ZDBF2: variants seen among roughly 807,000 people sequenced by gnomAD.
ZDBF2 encodes the protein DBF4-type zinc finger-containing protein 2.
ZDBF2 carries 6 observed loss-of-function variants against 9.4 expected under a neutral mutation model. The ratio of observed to expected loss-of-function variants is 0.64; its 90% CI spans 0.35 to 1.27. The LOEUF (loss-of-function observed/expected upper bound fraction) is 1.27, where lower values mean the gene tolerates loss of function less well. ZDBF2 is among the 50% of genes most tolerant of loss of function. The pLI is 0.03. For synonymous variants in ZDBF2, 905 were observed against 946.3 expected (o/e 0.96, Z 0.80); for missense variants, 2,697 against 2,766.8 (o/e 0.97, Z 0.57).
Position 206,297,299 on chromosome 2 carries a change from A to G in ZDBF2, c.114A>G (p.Ile38Met). The G allele has an allele frequency of 6.2e-7, 1 of 1,607,256 alleles. No homozygotes were observed. Among genetic ancestry groups the G allele is most frequent in the Non-Finnish European group, 8.5e-7 (1 of 1,173,782 alleles). ...TGACCAGACAGAGTAGACGTCAAAT[A>G]TGTACCAGTAGTTTGATGGAACGTT... ...RSLTRQSRRQICTSSLMERFL... is the reference protein window; with the variant it reads ...RSLTRQSRRQMCTSSLMERFL... The change falls in exon 4 of 5, where the codon ATA becomes ATG. Residue 38 changes from isoleucine to methionine, a missense_variant. This residue lies in a region of ZDBF2 where 910 missense variants were observed against 973.6 expected (regional missense o/e 0.93). Coordinates refer to ENST00000374423, the MANE Select transcript of ZDBF2 (RefSeq NM_020923.3).
rs550479127 is a variant in ZDBF2, at chr2:206,282,715, G to T, written c.60+806G>T. 1.1e-4 allele frequency among the ~76,000 whole-genome samples: 16 copies of T among 152,278 alleles called. No homozygotes were observed. In the South Asian group the frequency reaches 3.3e-3, roughly 32 times the overall value. On this transcript the variant is annotated intron_variant, in intron 3 of 4. Transcript: ENST00000374423. Reference sequence around the variant, plus strand: ...ATAGAGATTTAAAAATTTTGTTATTGTGATATAACTCATACACCATAAACT... The same window carrying T: ...ATAGAGATTTAAAAATTTTGTTATTTTGATATAACTCATACACCATAAACT...
rs1290575929 is a variant in ZDBF2, at chr2:206,281,736, CA to C, written c.-49-64del. 7.4e-6 allele frequency: 7 copies of C among 942,376 alleles called. No homozygotes were observed. In the African/African-American group the frequency reaches 1.2e-4, roughly 16 times the overall value. The allele number at this position is 942,376 out of a possible 1,614,324, so 58.4% of individuals were successfully genotyped here. ...TGAATTTCTGTTTTCTGCTAATTAT[CA>C]TAGCCATTTTCCTCATAAGAGTAAG... On this transcript the variant is annotated intron_variant, in intron 2 of 4. Transcript: ENST00000374423.
rs1690892079 is a variant in ZDBF2 at position 206,274,894 on chromosome 2, CG to C, written c.-153del. ...GAATAAGAAGGGAGAGCGCCCGGCT[CG>C]GTCCTCGGTCTCCACCGCGGCCCGG... On this transcript the variant is annotated 5_prime_UTR_variant, in exon 1 of 5. Coordinates refer to ENST00000374423, the MANE Select transcript of ZDBF2 (RefSeq NM_020923.3). 6.6e-6 allele frequency: 1 copy of C among 151,690 alleles called. No individual in the cohort carries two copies. Among genetic ancestry groups the C allele is most frequent in the Admixed American group, 6.6e-5 (1 of 15,258 alleles). 9.4% of individuals were successfully genotyped at this position (151,690 alleles called of 1,614,324 possible). A position where few individuals can be genotyped will look rare whatever the true frequency, so the allele number is the denominator to read the frequency against.
At position 206,312,218 on chromosome 2, in the gene ZDBF2, G is replaced by A. The variant is rs1007902441; in HGVS notation, c.*625G>A. The A allele has an allele frequency of 2.6e-5, 4 of 151,746 alleles. No individual in the cohort carries two copies. Among genetic ancestry groups the A allele is most frequent in the Non-Finnish European group, 5.9e-5 (4 of 67,954 alleles). The allele number at this position is 151,746 out of a possible 1,614,324, so 9.4% of individuals were successfully genotyped here. On this transcript the variant is annotated 3_prime_UTR_variant, in exon 5 of 5. Coordinates refer to ENST00000374423, the MANE Select transcript of ZDBF2 (RefSeq NM_020923.3). Reference sequence around the variant, plus strand: ...ACACATACAGTCTCTAGGTTTTTTGGGTTAGCCTTATTAGATCTTAAAGGG... The same window carrying A: ...ACACATACAGTCTCTAGGTTTTTTGAGTTAGCCTTATTAGATCTTAAAGGG...
chr2:206,296,627 T>G (rs1692193436), intron 3 of ZDBF2, among the ~76,000 whole-genome samples: 1 of 152,230 alleles, frequency 6.6e-6, no homozygotes, highest in South Asian at 2.1e-4. Flanking sequence ...AGGGGACTAC[T>G]GTAATTTCTT....
At position 206,308,560 on chromosome 2, in the gene ZDBF2, A is replaced by G. The variant is rs750161958; in HGVS notation, c.4032A>G (p.Pro1344=). 1 of 1,613,500 alleles carries G rather than the reference A, an allele frequency of 6.2e-7. No individual in the cohort carries two copies. Among genetic ancestry groups the G allele is most frequent in the Non-Finnish European group, 8.5e-7 (1 of 1,179,824 alleles). ...CTCTTCAGTCAGTGATAAAACAACC[A>G]CACATTTTGGAAGAGGAGCATGCCA... ...NIPLQSVIKQ[P]HILEEEHASL... is the part of the protein sequence containing the mutation. The change falls in exon 5 of 5, where the codon CCA becomes CCG. Residue 1344 remains proline (P), a synonymous_variant. Coordinates refer to ENST00000374423, the MANE Select transcript of ZDBF2 (RefSeq NM_020923.3).
intron 3 of ZDBF2, among the ~76,000 whole-genome samples, chr2:206,293,795 G>A (rs1362343331): frequency 6.6e-6 from 1 of 152,182 alleles, no homozygotes; most frequent in Non-Finnish European, 1.5e-5. Context: ...TGCTGGTAGG[G>A]AATATAAATT....
chr2:206,281,765 A>G, intron 2 of ZDBF2, 36 bp from the exon 3 acceptor site: 1 of 1,291,594 alleles, frequency 7.7e-7, no homozygotes. Flanking sequence ...AGAGTAAGGA[A>G]TTATGATTTT....
Position 206,314,293 on chromosome 2 carries a change from G to A in ZDBF2, c.*2700G>A, listed in dbSNP as rs1693304858. On this transcript the variant is annotated 3_prime_UTR_variant, in exon 5 of 5. Transcript: ENST00000374423. ...TTTTTTTTTTTTTGGTTAAAGAAAA[G>A]CTATATTTAAATATTCAAATAATTA... 1.5e-5 allele frequency: 2 copies of A among 130,344 alleles called. No homozygotes were observed. The highest frequency in any genetic ancestry group is 3.3e-5 in the Non-Finnish European group (2 of 61,376). 8.1% of individuals were successfully genotyped at this position (130,344 alleles called of 1,614,324 possible). A position where few individuals can be genotyped will look rare whatever the true frequency, so the allele number is the denominator to read the frequency against.
In ZDBF2 at chr2:206,282,018, T is replaced by A; in HGVS notation, c.60+109T>A. ...TTCATTGAACAGATCATATTGGGAA[T>A]CTATTAGTTGGCAGACACTGTTTAA... is the stretch of plus-strand genomic sequence containing the variant. On this transcript the variant is annotated intron_variant, in intron 3 of 4. Transcript: ENST00000374423. The A allele has an allele frequency of 3.9e-6, 4 of 1,026,070 alleles. 1 individual carries two copies. The South Asian group carries it at 7.1e-5, about 18-fold the overall frequency. The allele number at this position is 1,026,070 out of a possible 1,614,324, so 63.6% of individuals were successfully genotyped here.
At chr2:206,291,287 C>T (rs1341100679) in intron 3 of ZDBF2, among the ~76,000 whole-genome samples, 4 of 152,136 alleles carry the variant, frequency 2.6e-5, no homozygotes, top group Non-Finnish European at 2.9e-5. Flanking sequence ...AAAAGGAGCA[C>T]GCAACCTAGA....
chr2:206,294,975 T>C (rs1164822494), intron 3 of ZDBF2, among the ~76,000 whole-genome samples: 1 of 152,222 alleles, frequency 6.6e-6, no homozygotes, highest in Non-Finnish European at 1.5e-5. Context: ...TGATGGGTCC[T>C]GGACAGTGGA....
chr2:206,310,509 C>G lies in ZDBF2; in HGVS notation c.5981C>G (p.Ala1994Gly). The G allele has an allele frequency of 1.9e-6, 3 of 1,613,330 alleles. No individual in the cohort carries two copies. Among genetic ancestry groups the G allele is most frequent in the Non-Finnish European group, 2.5e-6 (3 of 1,179,758 alleles). The change falls in exon 5 of 5, where the codon GCA becomes GGA. Residue 1994 changes from alanine (A) to glycine (G), a missense_variant. By Grantham distance (60) the Ala-to-Gly change is moderately conservative. Transcript: ENST00000374423. ...AAAATTGGGACAGTTGAATTTCCTG[C>G]ATCATGTACTAAAGTTTTGAAGCCT... ...KVKIGTVEFP[A>G]SCTKVLKPMQ... is the part of the protein sequence containing the mutation.
chr2:206,297,028 C>T (rs777283011), intron 3 of ZDBF2, among the ~76,000 whole-genome samples: 1 of 152,008 alleles, frequency 6.6e-6, no homozygotes, highest in Non-Finnish European at 1.5e-5. Context: ...AATCATTTAC[C>T]TTTAAGACTA....
In ZDBF2 at chr2:206,305,975, G is replaced by A. The variant is rs1692767354; in HGVS notation, c.1447G>A (p.Val483Ile). ...TCAGAATGCAAGGCATATTAGCCTGGTTGACCAAAGCTATGAATCTAGTAG... is the reference window on the plus strand; with the variant it reads ...TCAGAATGCAAGGCATATTAGCCTGATTGACCAAAGCTATGAATCTAGTAG... ...SLQNARHISL[V>I]DQSYESSSSE... is the part of the protein sequence containing the mutation. The change falls in exon 5 of 5, where the codon GTT becomes ATT. Residue 483 changes from valine (V) to isoleucine (I), a missense_variant. By Grantham distance (29) the Val-to-Ile change is conservative. Coordinates refer to ENST00000374423, the MANE Select transcript of ZDBF2 (RefSeq NM_020923.3). The A allele has an allele frequency of 6.2e-7, 1 of 1,613,162 alleles. No individual in the cohort carries two copies. The highest frequency in any genetic ancestry group is 8.5e-7 in the Non-Finnish European group (1 of 1,179,554).
rs777695404 is a variant in ZDBF2, at chr2:206,314,263, CTTTTTTTT to C, written c.*2680_*2687del. On this transcript the variant is annotated 3_prime_UTR_variant, in exon 5 of 5. Coordinates refer to ENST00000374423, the MANE Select transcript of ZDBF2 (RefSeq NM_020923.3). ...TATGTAACTAGGGCTGTGAGTAACA[CTTTTTTTT>C]TTTTTTTTTGGTTAAAGAAAAGCTA... is the stretch of plus-strand genomic sequence containing the variant. 7.7e-6 allele frequency: 1 copy of C among 129,790 alleles called. No homozygotes were observed. Among genetic ancestry groups the C allele is most frequent in the African/African-American group, 2.9e-5 (1 of 34,728 alleles). The allele number at this position is 129,790 out of a possible 1,614,324, so 8.0% of individuals were successfully genotyped here.
In ZDBF2 at chr2:206,308,802, C is replaced by A; in HGVS notation, c.4274C>A (p.Ser1425Tyr). The A allele has an allele frequency of 1.2e-6, 2 of 1,613,834 alleles. No individual in the cohort carries two copies. Among genetic ancestry groups the A allele is most frequent in the South Asian group, 2.2e-5 (2 of 91,048 alleles). ...HIPVQFVTDQSSVPVKEINLQ... is the reference protein window; with the variant it reads ...HIPVQFVTDQYSVPVKEINLQ... ...CCTGTTCAGTTTGTGACTGATCAATCTTCTGTACCTGTCAAAGAAATAAAC... is the reference window on the plus strand; with the variant it reads ...CCTGTTCAGTTTGTGACTGATCAATATTCTGTACCTGTCAAAGAAATAAAC... Residue 1425 changes from serine (S) to tyrosine (Y), a missense_variant, in exon 5 of 5, where the codon TCT becomes TAT. Coordinates refer to ENST00000374423, the MANE Select transcript of ZDBF2 (RefSeq NM_020923.3).
At position 206,310,195 on chromosome 2, in the gene ZDBF2, A is replaced by G. The variant is rs1574425049; in HGVS notation, c.5667A>G (p.Pro1889=). 1.2e-6 allele frequency: 2 copies of G among 1,613,900 alleles called. No individual in the cohort carries two copies. The highest frequency in any genetic ancestry group is 1.7e-6 in the Non-Finnish European group (2 of 1,179,900). Residue 1889 remains proline, a synonymous_variant, in exon 5 of 5, where the codon CCA becomes CCG. Transcript: ENST00000374423. ...ADLQGKEDTA[P]TQAVSESDDI... is the part of the protein sequence containing the mutation. Reference sequence around the variant, plus strand: ...TGCAAGGTAAGGAGGACACTGCACCAACTCAAGCTGTGTCAGAGAGTGATG... The same window carrying G: ...TGCAAGGTAAGGAGGACACTGCACCGACTCAAGCTGTGTCAGAGAGTGATG...
rs1692740616 is a variant in ZDBF2, at chr2:206,305,596, G to T, written c.1068G>T (p.Gln356His). Residue 356 changes from glutamine (Q) to histidine (H), a missense_variant, in exon 5 of 5, where the codon CAG (glutamine) becomes CAT (histidine). By Grantham distance (24) the Gln-to-His change is conservative. Coordinates refer to ENST00000374423, the MANE Select transcript of ZDBF2 (RefSeq NM_020923.3). Reference sequence around the variant, plus strand: ...TTAACAAGACAGCCTTTTGGGAACAGAAGTGCTCAGTGAGTTCTGAAATGA... The same window carrying T: ...TTAACAAGACAGCCTTTTGGGAACATAAGTGCTCAGTGAGTTCTGAAATGA... ...LVFNKTAFWE[Q>H]KCSVSSEMKF... 1 of 1,613,842 alleles carries T rather than the reference G, an allele frequency of 6.2e-7. No homozygotes were observed. The highest frequency in any genetic ancestry group is 8.5e-7 in the Non-Finnish European group (1 of 1,179,806).
Sources: allele counts gnomAD v4.1 joint callset (sites outside exome capture counted in the v4.1 genomes callset), GRCh38; gene constraint gnomAD v4.1.1; regional missense constraint gnomAD v4.1.1; transcripts MANE v1.5; gene names NCBI Gene and HGNC (gene_info 2026-07-23, HGNC 2026-07-21).